FBLN5: variants seen among roughly 807,000 people sequenced by gnomAD.
FBLN5 encodes the protein fibulin 5, also known as fibulin-5.
In FBLN5, 24 loss-of-function variants were observed where a neutral mutation model predicts 61.6. The observed-to-expected ratio is 0.39, with a 90% CI of 0.28 to 0.55. The LOEUF (loss-of-function observed/expected upper bound fraction) is 0.55. FBLN5 is among the 20% of genes least tolerant of loss of function. FBLN5 has a pLI of 0.65. For synonymous variants in FBLN5, 213 were observed against 219.8 expected (o/e 0.97, Z 0.27); for missense variants, 470 against 594.1 (o/e 0.79, Z 2.17).
chr14:91,939,728 A>G (rs2056077922), intron 3 of FBLN5: 2 of 296,004 alleles, frequency 6.8e-6, no homozygotes, highest in East Asian at 9.3e-5. Flanking sequence ...GCATGCTAAG[A>G]GAATGACCCC....
intron 10 of FBLN5, among the ~76,000 whole-genome samples, chr14:91,875,607 T>C (rs1889127773): frequency 6.6e-6 from 1 of 152,156 alleles, no homozygotes; most frequent in Admixed American, 6.5e-5. Context: ...TACCAATGCC[T>C]GGTTACAATG....
chr14:91,880,855 A>T (rs1302880153), intron 9 of FBLN5, among the ~76,000 whole-genome samples: 1 of 152,022 alleles, frequency 6.6e-6, no homozygotes, highest in Non-Finnish European at 1.5e-5. Context: ...CCAGCCTTGC[A>T]TGTGTTTCTT....
In FBLN5 at chr14:91,870,272, G is replaced by A; in HGVS notation, c.1299C>T (p.Gly433=). 2 of 1,614,228 alleles carry A rather than the reference G, an allele frequency of 1.2e-6. No homozygotes were observed. The highest frequency in any genetic ancestry group is 1.7e-6 in the Non-Finnish European group (2 of 1,180,022). The change falls in exon 11 of 11, where the codon GGC becomes GGT. Residue 433 remains glycine (G), a synonymous_variant. Coordinates refer to ENST00000342058, the MANE Select transcript of FBLN5 (RefSeq NM_006329.4). ...ITVNTVINFR[G]SSVIRLRIYV... ...ATATCCGCAGTCGGATCACGGAGCT[G>A]CCTCTGAAGTTGATGACAGTGTTGA...
At chr14:91,926,666 C>T (rs990495778) in intron 4 of FBLN5, among the ~76,000 whole-genome samples, 1 of 152,076 alleles carries the variant, frequency 6.6e-6, no homozygotes, top group Non-Finnish European at 1.5e-5. Flanking sequence ...GATAAGCAGC[C>T]AACAAGCACC....
intron 4 of FBLN5, among the ~76,000 whole-genome samples, chr14:91,900,810 G>A (rs550770036): frequency 3.9e-5 from 6 of 152,312 alleles, no homozygotes; most frequent in African/African-American, 1.2e-4. Flanking sequence ...TCCCTTCCCC[G>A]GGGAGGTGCT....
rs17731705 is a variant in FBLN5, at chr14:91,869,801, A to G, written c.*423T>C. On this transcript the variant is annotated 3_prime_UTR_variant, in exon 11 of 11. Transcript: ENST00000342058. ...CTAGCTACTCCCAGGGTTCCCCGCC[A>G]GCTCCCGGGTCTTTGCAAAGCAGTA... 1,310 of 245,426 alleles carry G rather than the reference A, an allele frequency of 5.3e-3. 5 individuals carry two copies. Among genetic ancestry groups the G allele is most frequent in the Non-Finnish European group, 8.5e-3 (1,050 of 123,254 alleles). The allele number at this position is 245,426 out of a possible 1,614,324, so 15.2% of individuals were successfully genotyped here.
chr14:91,920,769 T>C (rs1595335390), intron 4 of FBLN5, among the ~76,000 whole-genome samples: 2 of 152,318 alleles, frequency 1.3e-5, no homozygotes, highest in East Asian at 1.9e-4. Context: ...CCATTGCCTG[T>C]GGCCCCCAAT....
intron 4 of FBLN5, among the ~76,000 whole-genome samples, chr14:91,902,276 TG>T (rs1249873783): frequency 2.3e-4 from 10 of 44,408 alleles, no homozygotes; most frequent in East Asian, 4.5e-4. Flanking sequence ...TTTGTTTGTT[TG>T]TTTGTTTTTT....
intron 4 of FBLN5, among the ~76,000 whole-genome samples, chr14:91,900,241 A>C (rs1702245412): frequency 6.6e-6 from 1 of 152,250 alleles, no homozygotes; most frequent in African/African-American, 2.4e-5. Context: ...ATTATTAAAT[A>C]AAATCTCTAT....
rs147787879 is a variant in FBLN5, at chr14:91,936,712, A to G, written c.379+235T>C. The stretch of plus-strand genomic sequence containing the variant: ...AGGTAGATAGATGAAAGTAAAATAA[A>G]GAAAAAAATTGGTTTTCTGGAGAAC... On this transcript the variant is annotated intron_variant, in intron 4 of 10. Coordinates refer to ENST00000342058, the MANE Select transcript of FBLN5 (RefSeq NM_006329.4). Among the ~76,000 whole-genome samples the G allele has an allele frequency of 6.6e-5, 10 of 152,338 alleles. No individual in the cohort carries two copies. In the East Asian group the frequency reaches 1.9e-3, roughly 29 times the overall value.
Position 91,881,320 on chromosome 14 carries a change from C to T in FBLN5, c.961G>A (p.Glu321Lys). The change falls in exon 9 of 11, where the codon GAG becomes AAG. Residue 321 changes from glutamate to lysine, a missense_variant. Transcript: ENST00000342058. ...GFKCIDPIRCEEPYLRISDNR... is the reference protein window; with the variant it reads ...GFKCIDPIRCKEPYLRISDNR... ...TCACTGATCCTCAGATAAGGCTCCT[C>T]ACAGCGGATGGGGTCAATGCATTTG... is the stretch of plus-strand genomic sequence containing the variant. The T allele has an allele frequency of 6.2e-7, 1 of 1,614,172 alleles. No homozygotes were observed. Among genetic ancestry groups the T allele is most frequent in the East Asian group, 2.2e-5 (1 of 44,884 alleles).
Position 91,870,088 on chromosome 14 carries a change from C to T in FBLN5, c.*136G>A, listed in dbSNP as rs528632541. ...ATAGTACAGGTGAGAGTCAGGAAGT[C>T]GGGGCTGACTCTTCGGGGAAACGTT... is the stretch of plus-strand genomic sequence containing the variant. On this transcript the variant is annotated 3_prime_UTR_variant, in exon 11 of 11. Transcript: ENST00000342058. The T allele has an allele frequency of 4.4e-6, 4 of 902,118 alleles. No homozygotes were observed. The highest frequency in any genetic ancestry group is 4.2e-5 in the South Asian group (3 of 71,158). 55.9% of individuals were successfully genotyped at this position (902,118 alleles called of 1,614,324 possible). A position where few individuals can be genotyped will look rare whatever the true frequency, so the allele number is the denominator to read the frequency against.
chr14:91,908,890 T>C (rs1890794529), intron 4 of FBLN5, among the ~76,000 whole-genome samples: 1 of 151,752 alleles, frequency 6.6e-6, no homozygotes, highest in African/African-American at 2.4e-5. Context: ...CTAGAAAGAG[T>C]CCTGGGAATC....
chr14:91,926,784 G>A (rs535647574), intron 4 of FBLN5, among the ~76,000 whole-genome samples: 1 of 151,746 alleles, frequency 6.6e-6, no homozygotes, highest in Non-Finnish European at 1.5e-5. Flanking sequence ...GTGGATCGGG[G>A]GGAGTGGACG....
chr14:91,920,780 GGTAGCAC>G (rs1267607558), intron 4 of FBLN5, among the ~76,000 whole-genome samples: 1 of 152,144 alleles, frequency 6.6e-6, no homozygotes, highest in Non-Finnish European at 1.5e-5. Flanking sequence ...GGCCCCCAAT[GGTAGCAC>G]GAAGTATGGA....
At chr14:91,872,032 T>C (rs1888957621) in intron 10 of FBLN5, among the ~76,000 whole-genome samples, 1 of 152,130 alleles carries the variant, frequency 6.6e-6, no homozygotes, top group African/African-American at 2.4e-5. Flanking sequence ...TGTGTGCACA[T>C]TAAGTATTGA....
intron 4 of FBLN5, among the ~76,000 whole-genome samples, chr14:91,927,190 G>A (rs771791627): frequency 6.6e-6 from 1 of 152,090 alleles, no homozygotes; most frequent in African/African-American, 2.4e-5. Flanking sequence ...GTTTCAATCC[G>A]TTTTATCCCA....
At position 91,937,125 on chromosome 14, in the gene FBLN5, T is replaced by A. The variant is rs780036458; in HGVS notation, c.201A>T (p.Leu67Phe). 6.2e-7 allele frequency: 1 copy of A among 1,614,088 alleles called. No homozygotes were observed. The highest frequency in any genetic ancestry group is 8.5e-7 in the Non-Finnish European group (1 of 1,180,000). ...MMCVNQNGGY[L>F]CIPRTNPVYR... ...ACACAGGGTTTGTCCGGGGAATGCA[T>A]AAATACCCGCCATTTTGGTTAACAC... The change falls in exon 4 of 11, where the codon TTA (leucine) becomes TTT (phenylalanine). Residue 67 changes from leucine to phenylalanine, a missense_variant. Leu to Phe is a conservative substitution (Grantham distance 22, BLOSUM62 0). Transcript: ENST00000342058.
At chr14:91,890,674 C>G (rs961301202) in intron 6 of FBLN5, among the ~76,000 whole-genome samples, 3 of 152,188 alleles carry the variant, frequency 2.0e-5, no homozygotes, top group African/African-American at 7.2e-5. Context: ...TGTGGGGGCA[C>G]GCTGAGTAGC....
Sources: allele counts gnomAD v4.1 joint callset (sites outside exome capture counted in the v4.1 genomes callset), GRCh38; gene constraint gnomAD v4.1.1; transcripts MANE v1.5; gene names NCBI Gene and HGNC (gene_info 2026-07-23, HGNC 2026-07-21).